The following LIG3 variants were observed in gnomAD, a reference collection of about 807,000 sequenced individuals.
LIG3 encodes ligase II, DNA, ATP-dependent.
A neutral mutation model predicts 110.9 loss-of-function variants in LIG3; 58 were observed. The ratio of observed to expected loss-of-function variants is 0.52; its 90% CI spans 0.42 to 0.65. The LOEUF (loss-of-function observed/expected upper bound fraction) is 0.65. Ranked by LOEUF, LIG3 falls within the 30% of genes least tolerant of loss-of-function variation. The pLI is 0.00. For synonymous variants in LIG3, 422 were observed against 472.8 expected (o/e 0.89, Z 1.39); for missense variants, 1,094 against 1,273.8 (o/e 0.86, Z 2.15).
Position 35,001,308 on chromosome 17 carries a change from C to T in LIG3, c.2383C>T (p.His795Tyr). ...GGCTGAATTCTCCAAATCGGAGGCT[C>T]ATACAGCTGACGGGATCTCCATCCG... ...TGAEFSKSEAHTADGISIRFP... is the reference protein window; with the variant it reads ...TGAEFSKSEAYTADGISIRFP... Residue 795 changes from histidine (H) to tyrosine (Y), a missense_variant, in exon 17 of 20, where the codon CAT (histidine) becomes TAT (tyrosine). By Grantham distance (83) the His-to-Tyr change is moderately conservative. Transcript: ENST00000378526. 1 of 1,614,178 alleles carries T rather than the reference C, an allele frequency of 6.2e-7. No homozygotes were observed. Among genetic ancestry groups the T allele is most frequent in the Non-Finnish European group, 8.5e-7 (1 of 1,180,018 alleles).
At chr17:34,983,625 C>T (rs2090627926) in intron 2 of LIG3, 73 bp downstream of exon 2, 1 of 1,385,230 alleles carries the variant, frequency 7.2e-7, no homozygotes, top group African/African-American at 1.5e-5. Flanking sequence ...CAACTGCTTT[C>T]TTTCTCTTTT....
In LIG3 at chr17:34,980,632, T is replaced by G. The variant is rs1426249518; in HGVS notation, c.-5+10T>G. 7.9e-7 allele frequency: 1 copy of G among 1,261,806 alleles called. No individual in the cohort carries two copies. Among genetic ancestry groups the G allele is most frequent in the Admixed American group, 2.4e-5 (1 of 41,010 alleles). 78.2% of individuals were successfully genotyped at this position (1,261,806 alleles called of 1,614,324 possible). On this transcript the variant is annotated intron_variant, in intron 1 of 19. Transcript: ENST00000378526. ...GGAGCCGGAGAGGCAGGTGAGGGGC[T>G]ACGCGGCGCGGCACGGCGCGGCGGG...
chr17:34,997,490 G>T (rs991871692), intron 11 of LIG3: 47 of 459,474 alleles, frequency 1.0e-4, no homozygotes, highest in African/African-American at 8.8e-4. Flanking sequence ...CCCTTGGCTC[G>T]CTTGATGAAG....
At chr17:35,001,446 C>T (rs200332500) in intron 17 of LIG3, 43 bp downstream of exon 17, 35 of 1,591,994 alleles carry the variant, frequency 2.2e-5, no homozygotes, top group African/African-American at 2.7e-5. Context: ...ACCCCACTGT[C>T]CAGGCCTTGG....
Position 34,983,698 on chromosome 17 carries a change from G to T in LIG3, c.547+146G>T, listed in dbSNP as rs11868699. ...GTTGCCTAGGCCAGTGTTTAATGTT[G>T]CATTCGTAGCTCACTGCAGCTTTGC... On this transcript the variant is annotated intron_variant, in intron 2 of 19. Coordinates refer to ENST00000378526, the MANE Select transcript of LIG3 (RefSeq NM_013975.4). The T allele has an allele frequency of 5.9e-4, 481 of 814,832 alleles. 2 individuals carry two copies. In the African/African-American group the frequency reaches 7.6e-3, roughly 13 times the overall value. 50.5% of individuals were successfully genotyped at this position (814,832 alleles called of 1,614,324 possible). A position where few individuals can be genotyped will look rare whatever the true frequency, so the allele number is the denominator to read the frequency against.
chr17:34,988,190 CAAAAAAAA>C (rs555462146), intron 3 of LIG3, among the ~76,000 whole-genome samples: 11 of 45,702 alleles, frequency 2.4e-4, no homozygotes, highest in African/African-American at 3.5e-4. Context: ...GACTCTGTCT[CAAAAAAAA>C]AAAAAAAAAA....
At chr17:34,995,887 T>G (rs1321054057) in intron 9 of LIG3, among the ~76,000 whole-genome samples, 177 bp from the exon 10 acceptor site, 5 of 152,198 alleles carry the variant, frequency 3.3e-5, no homozygotes, top group African/African-American at 1.2e-4. Flanking sequence ...CTGAAACAGA[T>G]GGCCTCTCCC....
At chr17:34,986,914 A>AG (rs1211687495) in intron 3 of LIG3, among the ~76,000 whole-genome samples, 1 of 152,210 alleles carries the variant, frequency 6.6e-6, no homozygotes, top group Non-Finnish European at 1.5e-5. Context: ...ACACAAAGGA[A>AG]GGAAAAAAAG....
Position 34,989,667 on chromosome 17 carries a change from T to C in LIG3, c.889+4T>C. Reference sequence around the variant, plus strand: ...CTTCGGAAAGGCTCAGCAGGAGGTGTGGCATGAGCATCCTGAATAGGCCTT... The same window carrying C: ...CTTCGGAAAGGCTCAGCAGGAGGTGCGGCATGAGCATCCTGAATAGGCCTT... On this transcript the variant is annotated splice_donor_region_variant and intron_variant, in intron 4 of 19. Coordinates refer to ENST00000378526, the MANE Select transcript of LIG3 (RefSeq NM_013975.4). 3 of 1,613,986 alleles carry C rather than the reference T, an allele frequency of 1.9e-6. No homozygotes were observed. The South Asian group carries it at 3.3e-5, about 18-fold the overall frequency.
chr17:34,991,381 C>T, intron 5 of LIG3: 1 of 566,550 alleles, frequency 1.8e-6, no homozygotes. Flanking sequence ...CCCCCTCTGT[C>T]TCTCCTGGGG....
chr17:35,006,075 C>A lies in LIG3; in HGVS notation c.*1569C>A, dbSNP rs1016772576. 9 of 202,938 alleles carry A rather than the reference C, an allele frequency of 4.4e-5. No individual in the cohort carries two copies. The highest frequency in any genetic ancestry group is 2.1e-4 in the African/African-American group (9 of 42,154). 12.6% of individuals were successfully genotyped at this position (202,938 alleles called of 1,614,324 possible). A position where few individuals can be genotyped will look rare whatever the true frequency, so the allele number is the denominator to read the frequency against. ...AAAAATAAAAATCCACACCTGAGAA[C>A]AGATCCATACAACCTGCTTACAAAG... On this transcript the variant is annotated 3_prime_UTR_variant, in exon 20 of 20. Transcript: ENST00000378526.
Position 34,994,269 on chromosome 17 carries a change from C to T in LIG3, c.1456-7C>T. On this transcript the variant is annotated splice_polypyrimidine_tract_variant and splice_region_variant and intron_variant, in intron 8 of 19. Coordinates refer to ENST00000378526, the MANE Select transcript of LIG3 (RefSeq NM_013975.4). Reference sequence around the variant, plus strand: ...AAGTCTCCAGGCTTTGCTTTCCCCACCCCAAGGCGGAGGCCTGCAAGTCCG... The same window carrying T: ...AAGTCTCCAGGCTTTGCTTTCCCCATCCCAAGGCGGAGGCCTGCAAGTCCG... The T allele has an allele frequency of 6.2e-7, 1 of 1,609,862 alleles. No homozygotes were observed. The highest frequency in any genetic ancestry group is 1.3e-5 in the African/African-American group (1 of 74,894).
At chr17:35,001,197 C>A in intron 16 of LIG3, 60 bp from the exon 17 acceptor site, 1 of 1,572,688 alleles carries the variant, frequency 6.4e-7, no homozygotes, top group African/African-American at 1.3e-5. Context: ...TGAGCCACCA[C>A]GCCCGGCCAC....
Position 34,999,844 on chromosome 17 carries a change from C to A in LIG3, c.2319C>A (p.Val773=). The A allele has an allele frequency of 1.2e-6, 2 of 1,613,882 alleles. No homozygotes were observed. Among genetic ancestry groups the A allele is most frequent in the South Asian group, 2.2e-5 (2 of 91,058 alleles). ...VNKIYYPDFI[V]PDPKKAAVWE... is the part of the protein sequence containing the mutation. Reference sequence around the variant, plus strand: ...AGATCTACTATCCTGACTTCATCGTCCCAGACCCAAAGGTATCAACCCAGT... The same window carrying A: ...AGATCTACTATCCTGACTTCATCGTACCAGACCCAAAGGTATCAACCCAGT... Residue 773 remains valine (V), a synonymous_variant, in exon 16 of 20, where the codon GTC becomes GTA. Transcript: ENST00000378526.
At chr17:34,996,444 G>A in intron 10 of LIG3, 130 bp from the exon 11 acceptor site, 1 of 848,586 alleles carries the variant, frequency 1.2e-6, no homozygotes, top group Middle Eastern at 2.4e-4. Context: ...TATGGCCCAG[G>A]GGCTTCAGAG....
In LIG3 at chr17:34,992,559, T is replaced by C. The variant is rs2090734673; in HGVS notation, c.1322T>C (p.Phe441Ser). 2 of 1,612,100 alleles carry C rather than the reference T, an allele frequency of 1.2e-6. No homozygotes were observed. Among genetic ancestry groups the C allele is most frequent in the Non-Finnish European group, 1.7e-6 (2 of 1,179,050 alleles). Reference protein sequence around the residue: ...DALDPNAYEAFKASRNLQDVV... With the variant: ...DALDPNAYEASKASRNLQDVV... ...CTTGACCCCAATGCCTATGAAGCCT[T>C]CAAAGCCTCGCGCAACCTGCAGGAT... Residue 441 changes from phenylalanine (F) to serine (S), a missense_variant, in exon 8 of 20, where the codon TTC (phenylalanine) becomes TCC (serine). Physicochemically the swap from Phe to Ser is radical, Grantham distance 155 (BLOSUM62 -2). Transcript: ENST00000378526.
chr17:34,988,259 T>C (rs1382312898), intron 3 of LIG3, among the ~76,000 whole-genome samples: 1 of 149,128 alleles, frequency 6.7e-6, no homozygotes, highest in Non-Finnish European at 1.5e-5. Context: ...AGGCCAAAGA[T>C]AGAGAAGAGT....
chr17:34,990,238 G>A (rs1427481997), intron 4 of LIG3, among the ~76,000 whole-genome samples: 6 of 152,186 alleles, frequency 3.9e-5, no homozygotes, highest in Non-Finnish European at 7.3e-5. Flanking sequence ...CATGGGCAGC[G>A]ATATATAGAT....
At chr17:34,985,909 G>A in intron 2 of LIG3, 79 bp from the exon 3 acceptor site, 1 of 1,462,240 alleles carries the variant, frequency 6.8e-7, no homozygotes, top group Non-Finnish European at 9.5e-7. Flanking sequence ...GGCCCTAGGA[G>A]CAGTTGATAG....
Sources: gnomAD v4.1 joint callset for allele counts (sites outside exome capture counted in the v4.1 genomes callset) on GRCh38, gnomAD v4.1.1 for gene constraint, MANE v1.5 for transcripts, NCBI Gene and HGNC (gene_info 2026-07-23, HGNC 2026-07-21) for gene names.